The following FNBP1L variants were observed in gnomAD, a reference collection of about 807,000 sequenced individuals.
FNBP1L encodes the protein formin binding protein 1 like, also known as formin-binding protein 1-like.
Under a neutral mutation model 91.2 loss-of-function variants are expected in FNBP1L, and 36 were observed. That is an observed-to-expected ratio of 0.39 (90% CI 0.30 to 0.52). FNBP1L has a LOEUF of 0.52. Among genes scored for constraint, FNBP1L ranks in the 20% least tolerant of loss-of-function variants. The pLI, the probability that FNBP1L is intolerant of heterozygous loss-of-function variation, is 0.66. For missense variants in FNBP1L, 571 were observed against 732.1 expected (o/e 0.78, Z 2.54); for synonymous variants, 242 against 237.0 (o/e 1.02, Z -0.19).
chr1:93,457,615 C>T (rs1421895693), intron 1 of FNBP1L, among the ~76,000 whole-genome samples: 4 of 151,992 alleles, frequency 2.6e-5, no homozygotes, highest in Non-Finnish European at 5.9e-5. Flanking sequence ...CTCCTTTTTA[C>T]TTCACGTTTC....
Position 93,534,737 on chromosome 1 carries a change from T to C in FNBP1L, c.819T>C (p.Ser273=). The part of the protein sequence containing the change: ...DSQMVVDSFK[S]GFEPPGDFPF... ...AAATGGTGGTAGACTCCTTCAAATC[T>C]GGTTTTGAACCTCCAGGAGACTTTC... Residue 273 remains serine, a synonymous_variant, in exon 9 of 17, where the codon TCT becomes TCC. Transcript: ENST00000271234. 6.4e-7 allele frequency: 1 copy of C among 1,571,520 alleles called. No homozygotes were observed. The highest frequency in any genetic ancestry group is 1.2e-5 in the South Asian group (1 of 85,700).
At chr1:93,526,098 C>T (rs536416932) in intron 5 of FNBP1L, among the ~76,000 whole-genome samples, 1 of 152,116 alleles carries the variant, frequency 6.6e-6, no homozygotes, top group East Asian at 1.9e-4. Context: ...CAGTTATTAA[C>T]CTTGGGATGA....
chr1:93,524,267 C>T lies in FNBP1L; in HGVS notation c.349C>T (p.Gln117Ter). Reference protein sequence around the residue: ...DLKTERKMHLQEGRKAQQYLD... With the variant: ...DLKTERKMHL The stretch of plus-strand genomic sequence containing the variant: ...CCGTGGTTATAATCTTCAGCATCTG[C>T]AAGAAGGACGAAAAGCTCAACAATA... Residue 117 changes from glutamine to a stop codon, truncating the protein, a stop_gained, in exon 5 of 17, where the codon CAA (glutamine) becomes TAA (stop). Transcript: ENST00000271234. LOFTEE classifies it high-confidence loss of function. 2 of 1,495,146 alleles carry T rather than the reference C, an allele frequency of 1.3e-6. No homozygotes were observed. The highest frequency in any genetic ancestry group is 8.9e-7 in the Non-Finnish European group (1 of 1,120,808). The allele number at this position is 1,495,146 out of a possible 1,614,324, so 92.6% of individuals were successfully genotyped here.
intron 5 of FNBP1L, among the ~76,000 whole-genome samples, chr1:93,524,978 G>A (rs976778107): frequency 1.3e-5 from 2 of 150,810 alleles, no homozygotes; most frequent in Non-Finnish European, 1.5e-5. Context: ...AAATGCTCTC[G>A]TATATAATTT....
chr1:93,537,147 TAGTG>T (rs1350251085), intron 10 of FNBP1L, among the ~76,000 whole-genome samples: 10 of 152,242 alleles, frequency 6.6e-5, no homozygotes, highest in East Asian at 5.8e-4. Context: ...TATTTAATGT[TAGTG>T]AGGCTAATTT....
chr1:93,465,117 G>A (rs958134499), intron 1 of FNBP1L, among the ~76,000 whole-genome samples: 1 of 151,016 alleles, frequency 6.6e-6, no homozygotes, highest in Non-Finnish European at 1.5e-5. Context: ...GTGGGGTCAG[G>A]TTTTTCTGTT....
At chr1:93,545,322 A>G (rs879918888) in intron 12 of FNBP1L, among the ~76,000 whole-genome samples, 4 of 152,154 alleles carry the variant, frequency 2.6e-5, no homozygotes, top group Non-Finnish European at 5.9e-5. Flanking sequence ...AATACGAGCA[A>G]GAAGGCCAGA....
intron 1 of FNBP1L, among the ~76,000 whole-genome samples, chr1:93,490,485 A>G (rs186884926): frequency 6.8e-4 from 103 of 152,336 alleles, no homozygotes; most frequent in African/African-American, 2.1e-3. Context: ...AGAGCTCACC[A>G]CTGATACAGA....
rs762072129 is a variant in FNBP1L, at chr1:93,523,484, G to C, written c.335G>C (p.Arg112Thr). The C allele has an allele frequency of 1.3e-6, 2 of 1,599,792 alleles. No homozygotes were observed. Among genetic ancestry groups the C allele is most frequent in the South Asian group, 2.3e-5 (2 of 87,580 alleles). The change falls in exon 4 of 17, where the codon AGA (arginine) becomes ACA (threonine). Residue 112 changes from arginine to threonine, a missense_variant. Transcript: ENST00000271234. ...MRYAHDLKTE[R>T]KMHLQEGRKA... is the part of the protein sequence containing the mutation. ...TATGCTCATGATCTGAAAACTGAAAGAAAAATGGTAATTCTTACAATTTTC... is the reference window on the plus strand; with the variant it reads ...TATGCTCATGATCTGAAAACTGAAACAAAAATGGTAATTCTTACAATTTTC...
At chr1:93,485,335 A>C (rs1669863109) in intron 1 of FNBP1L, among the ~76,000 whole-genome samples, 1 of 152,146 alleles carries the variant, frequency 6.6e-6, no homozygotes. Context: ...AAATCATTTT[A>C]ATTGTCCTAA....
chr1:93,476,742 A>G (rs1162805420), intron 1 of FNBP1L, among the ~76,000 whole-genome samples: 1 of 152,110 alleles, frequency 6.6e-6, no homozygotes, highest in Non-Finnish European at 1.5e-5. Context: ...GCATGTGCAA[A>G]TACTCTTAAA....
At chr1:93,541,965 C>T (rs1384770506) in intron 11 of FNBP1L, among the ~76,000 whole-genome samples, 1 of 151,844 alleles carries the variant, frequency 6.6e-6, no homozygotes, top group Non-Finnish European at 1.5e-5. Context: ...GGCAGATTTA[C>T]TTGTAGGTTA....
chr1:93,515,405 C>T (rs1197793330), intron 2 of FNBP1L, among the ~76,000 whole-genome samples: 2 of 151,680 alleles, frequency 1.3e-5, no homozygotes, highest in African/African-American at 4.8e-5. Flanking sequence ...CCCAGCCATC[C>T]CATTACTGGG....
chr1:93,480,382 A>G (rs1483300237), intron 1 of FNBP1L, among the ~76,000 whole-genome samples: 1 of 152,206 alleles, frequency 6.6e-6, no homozygotes, highest in Non-Finnish European at 1.5e-5. Context: ...ACTTTCACAA[A>G]TGACTTAATC....
intron 5 of FNBP1L, among the ~76,000 whole-genome samples, chr1:93,528,456 A>G (rs1037335269): frequency 1.3e-5 from 2 of 152,234 alleles, no homozygotes; most frequent in Non-Finnish European, 2.9e-5. Flanking sequence ...TTAGAGTTCT[A>G]TATCCAGCCA....
At chr1:93,544,478 T>C (rs1672150124) in intron 12 of FNBP1L, among the ~76,000 whole-genome samples, 1 of 152,128 alleles carries the variant, frequency 6.6e-6, no homozygotes. Flanking sequence ...TTATCAAGAG[T>C]AGTTTCATCA....
At chr1:93,507,182 CAAA>C (rs1670668324) in intron 2 of FNBP1L, among the ~76,000 whole-genome samples, 1 of 146,098 alleles carries the variant, frequency 6.8e-6, no homozygotes. Flanking sequence ...CCCACCCCCC[CAAA>C]CAATGTATCA....
At chr1:93,532,367 C>T (rs1442199987) in intron 7 of FNBP1L, among the ~76,000 whole-genome samples, 10 of 150,302 alleles carry the variant, frequency 6.7e-5, no homozygotes, top group African/African-American at 1.5e-4. Context: ...CTTGAGAGAC[C>T]GAGGCAGGAG....
At chr1:93,455,617 A>C (rs1022588325) in intron 1 of FNBP1L, among the ~76,000 whole-genome samples, 3 of 152,212 alleles carry the variant, frequency 2.0e-5, no homozygotes, top group Admixed American at 2.0e-4. Flanking sequence ...GAGGGTGTTC[A>C]CTGGGAAAAA....
Sources: allele counts gnomAD v4.1 joint callset (sites outside exome capture counted in the v4.1 genomes callset), GRCh38; gene constraint gnomAD v4.1.1; transcripts MANE v1.5; gene names NCBI Gene and HGNC (gene_info 2026-07-23, HGNC 2026-07-21).